MAP3K13: variants seen among roughly 807,000 people sequenced by gnomAD.
MAP3K13 encodes mitogen-activated protein kinase kinase kinase 13.
A neutral mutation model predicts 104.0 loss-of-function variants in MAP3K13; 52 were observed. That is an observed-to-expected ratio of 0.50 (90% CI 0.40 to 0.63). MAP3K13 has a LOEUF of 0.63. Among genes scored for constraint, MAP3K13 ranks in the 20% least tolerant of loss-of-function variants. The pLI is 0.00. For missense variants in MAP3K13, 914 were observed against 1,218.5 expected (o/e 0.75, Z 3.72); for synonymous variants, 394 against 442.2 (o/e 0.89, Z 1.37).
chr3:185,285,180 A>G (rs1327221299), intron 1 of MAP3K13, among the ~76,000 whole-genome samples: 1 of 152,216 alleles, frequency 6.6e-6, no homozygotes, highest in Non-Finnish European at 1.5e-5. Context: ...TTAAGTTTAC[A>G]TACCCTTAAA....
intron 2 of MAP3K13, among the ~76,000 whole-genome samples, chr3:185,305,116 G>A (rs1452850128): frequency 1.3e-5 from 2 of 152,106 alleles, no homozygotes; most frequent in Non-Finnish European, 2.9e-5. Context: ...AGTAATTATT[G>A]TTAGGGAAGG....
chr3:185,398,703 A>C (rs2108774967), intron 1 of MAP3K13, among the ~76,000 whole-genome samples: 1 of 152,356 alleles, frequency 6.6e-6, no homozygotes, highest in Admixed American at 6.5e-5. Flanking sequence ...GGCACACAGG[A>C]AAGATTTGCT....
intron 1 of MAP3K13, among the ~76,000 whole-genome samples, chr3:185,413,354 T>C (rs953475689): frequency 1.3e-5 from 2 of 152,208 alleles, no homozygotes; most frequent in African/African-American, 4.8e-5. Context: ...AAATGTTCTT[T>C]TTCCCAGTCC....
rs1484855012 is a variant in MAP3K13, at chr3:185,450,056, G to A, written c.1167G>A (p.Thr389=). The A allele has an allele frequency of 8.7e-6, 14 of 1,607,742 alleles. No individual in the cohort carries two copies. The highest frequency in any genetic ancestry group is 2.7e-5 in the African/African-American group (2 of 74,472). Residue 389 remains threonine (T), a splice_region_variant and synonymous_variant, in exon 6 of 14, where the codon ACG becomes ACA. Coordinates refer to ENST00000265026, the MANE Select transcript of MAP3K13 (RefSeq NM_004721.5). The surrounding 1 kb of genome is among the most constrained non-coding windows in gnomAD (Gnocchi z 4.2). Reference sequence around the variant, plus strand: ...GATTCAAAATCCTTATGAAACAGACGTGGTAAGAATATTGTCTCTAAAACA... The same window carrying A: ...GATTCAAAATCCTTATGAAACAGACATGGTAAGAATATTGTCTCTAAAACA... ...PDGFKILMKQ[T]WQSKPRNRPS...
chr3:185,324,317 C>G (rs529779085), intron 2 of MAP3K13, among the ~76,000 whole-genome samples: 1 of 152,152 alleles, frequency 6.6e-6, no homozygotes. Flanking sequence ...CGCGCCCAGC[C>G]GAGTGCCTTT....
chr3:185,293,033 G>C, intron 2 of MAP3K13: 1 of 985,236 alleles, frequency 1.0e-6, no homozygotes, highest in African/African-American at 1.7e-5. Flanking sequence ...GTGTGAACGT[G>C]TGTGTACTTG....
intron 7 of MAP3K13, among the ~76,000 whole-genome samples, chr3:185,462,775 A>T (rs1482205203): frequency 6.6e-6 from 1 of 152,222 alleles, no homozygotes; most frequent in African/African-American, 2.4e-5. Context: ...TCCGTCTCAA[A>T]AATAATAATA....
chr3:185,411,719 AATGAAACC>A (rs1326899415), intron 1 of MAP3K13, among the ~76,000 whole-genome samples: 6 of 151,610 alleles, frequency 4.0e-5, no homozygotes, highest in Non-Finnish European at 8.8e-5. Context: ...AGGAGCACTT[AATGAAACC>A]ATGTGCACTT....
In MAP3K13 at chr3:185,482,782, A is replaced by G. The variant is rs1263203933; in HGVS notation, c.*326A>G. On this transcript the variant is annotated 3_prime_UTR_variant, in exon 14 of 14. Transcript: ENST00000265026. This position sits in a 1 kb window ranked among gnomAD's most constrained non-coding sequence, Gnocchi z 4.5. ...CTTTGTACTGCAAAGAGTGAACTATATATGAGATAGAGAGACAATAATTTC... is the reference window on the plus strand; with the variant it reads ...CTTTGTACTGCAAAGAGTGAACTATGTATGAGATAGAGAGACAATAATTTC... 2 of 249,272 alleles carry G rather than the reference A, an allele frequency of 8.0e-6. No homozygotes were observed. Among genetic ancestry groups the G allele is most frequent in the Admixed American group, 5.5e-5 (1 of 18,248 alleles). The allele number at this position is 249,272 out of a possible 1,614,324, so 15.4% of individuals were successfully genotyped here. A position where few individuals can be genotyped will look rare whatever the true frequency, so the allele number is the denominator to read the frequency against.
intron 8 of MAP3K13, among the ~76,000 whole-genome samples, chr3:185,464,404 A>C (rs1717291206): frequency 6.6e-6 from 1 of 152,160 alleles, no homozygotes; most frequent in Admixed American, 6.5e-5. Context: ...TGTGTCAAGA[A>C]CCAGGTGGAG....
At chr3:185,444,553 G>A (rs1285658524) in intron 4 of MAP3K13, among the ~76,000 whole-genome samples, 1 of 151,992 alleles carries the variant, frequency 6.6e-6, no homozygotes, top group Non-Finnish European at 1.5e-5. Flanking sequence ...ATAAACACTG[G>A]CTATGTAAGA....
At chr3:185,468,027 T>C (rs1281683147) in intron 10 of MAP3K13, among the ~76,000 whole-genome samples, 1 of 151,918 alleles carries the variant, frequency 6.6e-6, no homozygotes, top group African/African-American at 2.4e-5. Flanking sequence ...CCAAATCTCA[T>C]GAAAACTCAC....
intron 2 of MAP3K13, among the ~76,000 whole-genome samples, chr3:185,333,705 G>C (rs1253190651): frequency 6.6e-6 from 1 of 151,706 alleles, no homozygotes; most frequent in Non-Finnish European, 1.5e-5. Context: ...ACCAGCCTGG[G>C]CAACATAGCA....
At chr3:185,396,874 T>C (rs1447885834) in intron 1 of MAP3K13, among the ~76,000 whole-genome samples, 4 of 152,170 alleles carry the variant, frequency 2.6e-5, no homozygotes, top group Non-Finnish European at 5.9e-5. Context: ...GGTGTTGTGT[T>C]TGCAGTTATT....
chr3:185,313,000 C>T (rs1306338574), intron 2 of MAP3K13, among the ~76,000 whole-genome samples: 1 of 151,968 alleles, frequency 6.6e-6, no homozygotes. Flanking sequence ...GACCAGCCTA[C>T]TCAACATGGC....
intron 2 of MAP3K13, among the ~76,000 whole-genome samples, chr3:185,342,609 A>G (rs1203107343): frequency 6.6e-6 from 1 of 152,180 alleles, no homozygotes; most frequent in Non-Finnish European, 1.5e-5. Context: ...TATGTTACTC[A>G]CTATTATTTA....
chr3:185,321,221 C>T lies in MAP3K13; in HGVS notation c.-86+35578C>T, dbSNP rs533596403. 1.7e-3 allele frequency among the ~76,000 whole-genome samples: 262 copies of T among 151,988 alleles called. 2 individuals are homozygous for T. The highest frequency in any genetic ancestry group is 5.9e-3 in the African/African-American group (243 of 41,322). On this transcript the variant is annotated intron_variant, in intron 2 of 14. Coordinates refer to the MAP3K13 transcript ENST00000424227. ...TTATATATGCATGCACACACATATG[C>T]GTGCACACACATATACACGTGTATA...
Position 185,473,840 on chromosome 3 carries a change from A to G in MAP3K13, c.2430+79A>G. 1.5e-6 allele frequency: 2 copies of G among 1,370,832 alleles called. No individual in the cohort carries two copies. Among genetic ancestry groups the G allele is most frequent in the African/African-American group, 1.4e-5 (1 of 69,008 alleles). The allele number at this position is 1,370,832 out of a possible 1,614,324, so 84.9% of individuals were successfully genotyped here. ...GCCTGTCATGTTATACACATTAGAG[A>G]GCATATGTAAAAAGTATACATTTTG... is the stretch of plus-strand genomic sequence containing the variant. On this transcript the variant is annotated intron_variant, in intron 11 of 13. Transcript: ENST00000265026. The surrounding 1 kb of genome is among the most constrained non-coding windows in gnomAD (Gnocchi z 4.9).
chr3:185,430,977 G>C (rs922161399), intron 2 of MAP3K13, among the ~76,000 whole-genome samples: 1 of 152,126 alleles, frequency 6.6e-6, no homozygotes, highest in Non-Finnish European at 1.5e-5. Flanking sequence ...TCAAGAAACA[G>C]GATCATGGCA....
Sources: allele counts gnomAD v4.1 joint callset (sites outside exome capture counted in the v4.1 genomes callset), GRCh38; gene constraint gnomAD v4.1.1; non-coding constraint Gnocchi (gnomAD v3.1); transcripts MANE v1.5; gene names NCBI Gene and HGNC (gene_info 2026-07-23, HGNC 2026-07-21).